Variants in MYH10 observed in about 807,000 individuals in gnomAD.
The protein encoded by MYH10 is myosin-10.
Under a neutral mutation model 257.8 loss-of-function variants are expected in MYH10, and 55 were observed. That is an observed-to-expected ratio of 0.21 (90% confidence interval 0.17 to 0.27). The LOEUF is 0.27. Among genes scored for constraint, MYH10 ranks in the 10% least tolerant of loss-of-function variants. The pLI is 1.00. For synonymous variants in MYH10, 854 were observed against 921.7 expected (o/e 0.93, Z 1.33); for missense variants, 1,631 against 2,500.6 (o/e 0.65, Z 7.42).
chr17:8,549,036 G>A (rs889167787), intron 9 of MYH10, among the ~76,000 whole-genome samples: 3 of 152,176 alleles, frequency 2.0e-5, no homozygotes, highest in Non-Finnish European at 4.4e-5. Context: ...TTTGGGGATG[G>A]CAGTTTGTAC....
intron 36 of MYH10, among the ~76,000 whole-genome samples, chr17:8,486,876 C>T (rs550030537): frequency 6.6e-5 from 10 of 152,246 alleles, no homozygotes; most frequent in South Asian, 6.2e-4. Flanking sequence ...ATAAAAATTT[C>T]TTCTTTATAT....
Position 8,509,953 on chromosome 17 carries a change from G to GT in MYH10, c.2953-5dup, listed in dbSNP as rs780952885. 3 of 1,607,140 alleles carry GT rather than the reference G, an allele frequency of 1.9e-6. No homozygotes were observed. In the Admixed American group the frequency reaches 5.1e-5, roughly 27 times the overall value. Reference sequence around the variant, plus strand: ...CGTCTAGCTGTTCTTCCAGGTCCTTGTGAAGAACACACAGTCAGTCTCGCC... The same window carrying GT: ...CGTCTAGCTGTTCTTCCAGGTCCTTGTTGAAGAACACACAGTCAGTCTCGCC... On this transcript the variant is annotated splice_polypyrimidine_tract_variant and splice_region_variant and intron_variant, in intron 24 of 42. Coordinates refer to ENST00000360416, the MANE Select transcript of MYH10 (RefSeq NM_001256012.3).
intron 37 of MYH10, among the ~76,000 whole-genome samples, chr17:8,482,600 G>A (rs1170029653): frequency 1.3e-5 from 2 of 152,224 alleles, no homozygotes; most frequent in African/African-American, 2.4e-5. Flanking sequence ...GGGACCCACG[G>A]GAGAAAGGAA....
At chr17:8,520,339 A>G (rs141109432) in intron 19 of MYH10, among the ~76,000 whole-genome samples, 98 of 152,234 alleles carry the variant, frequency 6.4e-4, no homozygotes, top group African/African-American at 2.2e-3. Flanking sequence ...TACTAAAAAT[A>G]CAAAAATTTA....
chr17:8,487,569 T>C lies in MYH10; in HGVS notation c.4910A>G (p.Glu1637Gly). ...KQVRELEAELEDERKQRALAV... is the reference protein window; with the variant it reads ...KQVRELEAELGDERKQRALAV... ...AAGCGCCCGCTGTTTCCTCTCATCC[T>C]CCAGCTCCGCCTCGAGCTCCCGCAC... The change falls in exon 36 of 43, where the codon GAG becomes GGG. Residue 1637 changes from glutamate to glycine, a missense_variant. Glu to Gly is a moderately conservative substitution (Grantham distance 98, BLOSUM62 -2). Around this residue, in one of 11 missense-constraint regions of MYH10, gnomAD observed 463 missense variants for 621.8 expected, o/e 0.74. Transcript: ENST00000360416. 6.2e-7 allele frequency: 1 copy of C among 1,614,208 alleles called. No individual in the cohort carries two copies.
intron 2 of MYH10, among the ~76,000 whole-genome samples, chr17:8,605,775 A>G (rs2084775841): frequency 1.3e-5 from 2 of 152,138 alleles, no homozygotes; most frequent in Admixed American, 6.5e-5. Context: ...AAACAAAAGA[A>G]AAACCACTCT....
Position 8,605,001 on chromosome 17 carries a change from A to T in MYH10, c.346-19T>A, listed in dbSNP as rs886653600. 9 of 1,331,032 alleles carry T rather than the reference A, an allele frequency of 6.8e-6. No individual in the cohort carries two copies. Among genetic ancestry groups the T allele is most frequent in the Non-Finnish European group, 9.1e-6 (9 of 988,682 alleles). The allele number at this position is 1,331,032 out of a possible 1,614,324, so 82.5% of individuals were successfully genotyped here. ...AATAAGTCTAGAATAAAAATAAAATAGAGTATTAAAAAAAAAACCTCTGCA... is the reference window on the plus strand; with the variant it reads ...AATAAGTCTAGAATAAAAATAAAATTGAGTATTAAAAAAAAAACCTCTGCA... On this transcript the variant is annotated intron_variant, in intron 2 of 42. Transcript: ENST00000360416.
rs747234445 is a variant in MYH10, at chr17:8,484,211, T to C, written c.5102A>G (p.Glu1701Gly). 3.1e-6 allele frequency: 5 copies of C among 1,613,004 alleles called. No homozygotes were observed. The highest frequency in any genetic ancestry group is 4.2e-6 in the Non-Finnish European group (5 of 1,179,524). ...ELEEARASRD[E>G]IFAQSKESEK... Reference sequence around the variant, plus strand: ...ACTCTCTTTGGATTGAGCAAAAATCTCATCTCTGGATGCACGAGCTTCTTC... The same window carrying C: ...ACTCTCTTTGGATTGAGCAAAAATCCCATCTCTGGATGCACGAGCTTCTTC... Residue 1701 changes from glutamate to glycine, a missense_variant, in exon 37 of 43, where the codon GAG becomes GGG. Glu to Gly is a moderately conservative substitution (Grantham distance 98, BLOSUM62 -2). Around this residue, in one of 11 missense-constraint regions of MYH10, gnomAD observed 463 missense variants for 621.8 expected, o/e 0.74. Transcript: ENST00000360416.
Position 8,509,885 on chromosome 17 carries a change from G to T in MYH10, c.3017C>A (p.Thr1006Lys). ...ARQKLQLEKV[T>K]AEAKIKKMEE... Reference sequence around the variant, plus strand: ...CATCTTCTTGATCTTGGCCTCTGCTGTCACCTTTTCCAGCTGCAGCTTTTG... The same window carrying T: ...CATCTTCTTGATCTTGGCCTCTGCTTTCACCTTTTCCAGCTGCAGCTTTTG... Residue 1006 changes from threonine to lysine, a missense_variant, in exon 25 of 43, where the codon ACA becomes AAA. Physicochemically the swap from Thr to Lys is moderately conservative, Grantham distance 78 (BLOSUM62 -1). Coordinates refer to ENST00000360416, the MANE Select transcript of MYH10 (RefSeq NM_001256012.3). 1 of 1,613,406 alleles carries T rather than the reference G, an allele frequency of 6.2e-7. No individual in the cohort carries two copies. The highest frequency in any genetic ancestry group is 8.5e-7 in the Non-Finnish European group (1 of 1,179,714).
intron 21 of MYH10, among the ~76,000 whole-genome samples, chr17:8,515,528 C>T (rs2081436575): frequency 7.7e-6 from 1 of 129,618 alleles, no homozygotes. Flanking sequence ...AAGAATTAGC[C>T]AAGTCTTTTT....
chr17:8,516,239 T>C (rs558024864), intron 21 of MYH10, among the ~76,000 whole-genome samples: 23 of 152,348 alleles, frequency 1.5e-4, no homozygotes, highest in African/African-American at 5.5e-4. Context: ...TCACTTTAGC[T>C]CCTTCCCCCT....
In MYH10 at chr17:8,504,930, A is replaced by G. The variant is rs1428137427; in HGVS notation, c.3387-24T>C. ...CTCTGTTAAAACACCCAGGCGCAAG[A>G]GGCACTCAGAGATGGCACCCGGATG... On this transcript the variant is annotated intron_variant, in intron 27 of 42. Transcript: ENST00000360416. This position sits in a 1 kb window ranked among gnomAD's most constrained non-coding sequence, Gnocchi z 5.6. 1 of 1,605,542 alleles carries G rather than the reference A, an allele frequency of 6.2e-7. No individual in the cohort carries two copies. The highest frequency in any genetic ancestry group is 1.7e-5 in the Admixed American group (1 of 59,968).
At chr17:8,582,182 A>G (rs1213690211) in intron 4 of MYH10, among the ~76,000 whole-genome samples, 1 of 152,214 alleles carries the variant, frequency 6.6e-6, no homozygotes, top group Non-Finnish European at 1.5e-5. Flanking sequence ...TAGAAAAAAC[A>G]ATGAGAAATG....
chr17:8,527,704 C>G (rs574297628), intron 17 of MYH10, among the ~76,000 whole-genome samples: 2 of 152,236 alleles, frequency 1.3e-5, no homozygotes, highest in African/African-American at 4.8e-5. Flanking sequence ...CCATGTGCCA[C>G]GCATTCAGGT....
At chr17:8,518,025 CGTGT>C (rs34409328) in intron 21 of MYH10, among the ~76,000 whole-genome samples, 16 of 123,624 alleles carry the variant, frequency 1.3e-4, no homozygotes, top group Non-Finnish European at 1.7e-4. Context: ...CCCTTGGCCC[CGTGT>C]GTGTGTGTGT....
chr17:8,527,365 T>G (rs1206509483), intron 17 of MYH10, among the ~76,000 whole-genome samples: 1 of 152,230 alleles, frequency 6.6e-6, no homozygotes, highest in Non-Finnish European at 1.5e-5. Flanking sequence ...CTTATTTCCA[T>G]CTACCTTCCT....
chr17:8,495,636 G>A (rs574587000), intron 30 of MYH10, among the ~76,000 whole-genome samples: 11 of 152,206 alleles, frequency 7.2e-5, no homozygotes, highest in African/African-American at 1.9e-4. Flanking sequence ...ACGAATATGC[G>A]TTAACCATAT....
chr17:8,525,861 C>T (rs1478745605), intron 17 of MYH10, among the ~76,000 whole-genome samples: 9 of 152,118 alleles, frequency 5.9e-5, no homozygotes, highest in Admixed American at 2.6e-4. Context: ...GGCACAATCT[C>T]GGCTCAGAGC....
chr17:8,489,743 A>ACACACACC lies in MYH10; in HGVS notation c.4884+596_4884+597insGGTGTGTG, dbSNP rs1437818172. On this transcript the variant is annotated intron_variant, in intron 35 of 42. Coordinates refer to ENST00000360416, the MANE Select transcript of MYH10 (RefSeq NM_001256012.3). ...CACACACACACACACACACACACAC[A>ACACACACC]CACCCCAAATCCAAAACTTACTGCC... 2.5e-3 allele frequency among the ~76,000 whole-genome samples: 377 copies of ACACACACC among 150,250 alleles called. 4 individuals are homozygous for ACACACACC. The highest frequency in any genetic ancestry group is 0.013 in the South Asian group (61 of 4,760).
Sources: gnomAD v4.1 joint callset for allele counts (sites outside exome capture counted in the v4.1 genomes callset) on GRCh38, gnomAD v4.1.1 for gene constraint, gnomAD v4.1.1 regional missense constraint, Gnocchi (gnomAD v3.1) non-coding constraint, MANE v1.5 for transcripts, NCBI Gene and HGNC (gene_info 2026-07-23, HGNC 2026-07-21) for gene names.